CNST: variants seen among roughly 807,000 people sequenced by gnomAD.
The protein encoded by CNST is consortin, connexin sorting protein.
CNST carries 39 observed loss-of-function variants against 72.4 expected under a neutral mutation model. The observed-to-expected ratio is 0.54, with a 90% confidence interval of 0.42 to 0.70. The LOEUF (loss-of-function observed/expected upper bound fraction) is 0.70, where lower values mean the gene tolerates loss of function less well. CNST is among the 30% of genes least tolerant of loss of function. The pLI, the probability that CNST is intolerant of heterozygous loss-of-function variation, is 0.00. For synonymous variants in CNST, 332 were observed against 320.1 expected (o/e 1.04, Z -0.40); for missense variants, 871 against 868.5 (o/e 1.00, Z -0.04).
At chr1:246,603,091 C>G (rs1482762014) in intron 2 of CNST, among the ~76,000 whole-genome samples, 1 of 151,920 alleles carries the variant, frequency 6.6e-6, no homozygotes, top group Non-Finnish European at 1.5e-5. Flanking sequence ...ATTAAGAAAT[C>G]AAAACTAAGA....
chr1:246,661,130 C>T (rs879609815), intron 10 of CNST, among the ~76,000 whole-genome samples: 12 of 152,046 alleles, frequency 7.9e-5, no homozygotes, highest in Non-Finnish European at 1.2e-4. Flanking sequence ...CCACCACGCC[C>T]GGCTAATTTT....
rs1348424041 is a variant in CNST at position 246,668,542 on chromosome 1, AT to A, written c.*2639del. On this transcript the variant is annotated 3_prime_UTR_variant, in exon 11 of 11. Coordinates refer to ENST00000366513, the MANE Select transcript of CNST (RefSeq NM_152609.3). ...ACAGTAGCTGAAGATTATTCTAAAC[AT>A]TCATTCTTTTAGATTTAAAAATAAA... is the stretch of plus-strand genomic sequence containing the variant. The A allele has an allele frequency of 6.6e-6, 1 of 152,194 alleles. No homozygotes were observed. Among genetic ancestry groups the A allele is most frequent in the East Asian group, 1.9e-4 (1 of 5,198 alleles). The allele number at this position is 152,194 out of a possible 1,614,324, so 9.4% of individuals were successfully genotyped here.
At chr1:246,569,713 C>G (rs1286767785) in intron 1 of CNST, among the ~76,000 whole-genome samples, 2 of 152,202 alleles carry the variant, frequency 1.3e-5, no homozygotes, top group African/African-American at 2.4e-5. Context: ...ACAGGCGTAG[C>G]CACCATGCCC....
At chr1:246,600,620 G>T (rs1004096932) in intron 2 of CNST, among the ~76,000 whole-genome samples, 5 of 152,158 alleles carry the variant, frequency 3.3e-5, no homozygotes, top group African/African-American at 9.7e-5. Flanking sequence ...TCAGTTATCT[G>T]GTTTAAGCAC....
At chr1:246,607,355 C>G (rs1446087005) in intron 2 of CNST, 1 of 152,084 alleles carries the variant, frequency 6.6e-6, no homozygotes. Flanking sequence ...GCGCGATGCC[C>G]TCTCCTAGAT....
intron 1 of CNST, among the ~76,000 whole-genome samples, chr1:246,580,851 C>G (rs1660731772): frequency 6.6e-6 from 1 of 151,946 alleles, no homozygotes; most frequent in Non-Finnish European, 1.5e-5. Flanking sequence ...AGCGATTGCC[C>G]CGCCTCAGCT....
chr1:246,613,718 G>T (rs1468189265), intron 2 of CNST, among the ~76,000 whole-genome samples: 2 of 4,958 alleles, frequency 4.0e-4, no homozygotes, highest in Non-Finnish European at 8.2e-4. Context: ...TCCCTCTTCT[G>T]AGTCTAGCTT....
intron 2 of CNST, among the ~76,000 whole-genome samples, chr1:246,604,440 A>C (rs969253660): frequency 6.6e-6 from 1 of 152,130 alleles, no homozygotes; most frequent in African/African-American, 2.4e-5. Flanking sequence ...GATCTATTGA[A>C]AGTTCAGGGT....
intron 2 of CNST, among the ~76,000 whole-genome samples, chr1:246,605,427 G>C (rs569905462): frequency 1.3e-5 from 2 of 152,250 alleles, no homozygotes; most frequent in African/African-American, 4.8e-5. Flanking sequence ...TCTAATATCA[G>C]TTGGAACCCC....
intron 2 of CNST, among the ~76,000 whole-genome samples, chr1:246,592,517 T>A (rs1162330322): frequency 1.3e-5 from 2 of 152,184 alleles, no homozygotes; most frequent in African/African-American, 4.8e-5. Flanking sequence ...GTGCTGAAAT[T>A]GACATCCTTT....
chr1:246,666,090 A>G lies in CNST; in HGVS notation c.*185A>G, dbSNP rs1667379744. On this transcript the variant is annotated 3_prime_UTR_variant, in exon 11 of 11. Coordinates refer to ENST00000366513, the MANE Select transcript of CNST (RefSeq NM_152609.3). ...TTAGAATAATCCACACAGTGAGGCAAATATCAATCTAAGCATTGTGGATGG... is the reference window on the plus strand; with the variant it reads ...TTAGAATAATCCACACAGTGAGGCAGATATCAATCTAAGCATTGTGGATGG... The G allele has an allele frequency of 1.7e-6, 1 of 577,032 alleles. No individual in the cohort carries two copies. Among genetic ancestry groups the G allele is most frequent in the African/African-American group, 1.9e-5 (1 of 53,646 alleles). The allele number at this position is 577,032 out of a possible 1,614,324, so 35.7% of individuals were successfully genotyped here.
intron 1 of CNST, among the ~76,000 whole-genome samples, chr1:246,572,625 A>G (rs968818361): frequency 6.6e-6 from 1 of 152,214 alleles, no homozygotes; most frequent in African/African-American, 2.4e-5. Flanking sequence ...TACTGGGATT[A>G]TAGACGTGAG....
At chr1:246,633,854 A>T in intron 4 of CNST, 70 bp from the exon 5 acceptor site, 1 of 1,015,530 alleles carries the variant, frequency 9.8e-7, no homozygotes, top group Non-Finnish European at 1.6e-6. Flanking sequence ...CATCTATAGG[A>T]CATTGTTCTT....
chr1:246,578,978 G>A (rs1660619780), intron 1 of CNST, among the ~76,000 whole-genome samples: 1 of 152,192 alleles, frequency 6.6e-6, no homozygotes, highest in Non-Finnish European at 1.5e-5. Flanking sequence ...GGACTGTTGT[G>A]AGGAATTGTT....
At position 246,589,449 on chromosome 1, in the gene CNST, A is replaced by AT. The variant is rs567240798; in HGVS notation, c.-51-2057dup. On this transcript the variant is annotated intron_variant, in intron 1 of 10. Coordinates refer to ENST00000366513, the MANE Select transcript of CNST (RefSeq NM_152609.3). ...TCCCTACAAAGGACATGAACTCATCATTTTTTATGGATGCATAGTATTCCA... is the reference window on the plus strand; with the variant it reads ...TCCCTACAAAGGACATGAACTCATCATTTTTTTATGGATGCATAGTATTCCA... 2.1e-3 allele frequency among the ~76,000 whole-genome samples: 326 copies of AT among 151,948 alleles called. 1 individual carries two copies. The highest frequency in any genetic ancestry group is 7.6e-3 in the African/African-American group (313 of 41,438).
chr1:246,596,013 A>G (rs1170925873), intron 2 of CNST, among the ~76,000 whole-genome samples: 1 of 152,072 alleles, frequency 6.6e-6, no homozygotes, highest in Non-Finnish European at 1.5e-5. Context: ...TCTTAGCCTC[A>G]GGGAAGTCCA....
intron 2 of CNST, among the ~76,000 whole-genome samples, chr1:246,604,246 T>C (rs1036546251): frequency 6.6e-6 from 1 of 151,224 alleles, no homozygotes. Flanking sequence ...GACGCAAGAC[T>C]CCATCTCAAA....
intron 10 of CNST, among the ~76,000 whole-genome samples, chr1:246,662,857 C>A (rs1667179609): frequency 6.6e-6 from 1 of 152,132 alleles, no homozygotes; most frequent in African/African-American, 2.4e-5. Flanking sequence ...ATGTCAAGTG[C>A]CCAACAGCCA....
intron 8 of CNST, among the ~76,000 whole-genome samples, chr1:246,646,707 C>T (rs938673508): frequency 5.9e-5 from 9 of 152,122 alleles, no homozygotes; most frequent in East Asian, 1.9e-4. Flanking sequence ...TTCGAATTCC[C>T]GACCTCAGGT....
Sources: gnomAD v4.1 joint callset for allele counts (sites outside exome capture counted in the v4.1 genomes callset) on GRCh38, gnomAD v4.1.1 for gene constraint, MANE v1.5 for transcripts, NCBI Gene and HGNC (gene_info 2026-07-23, HGNC 2026-07-21) for gene names.